AGBL4: variants seen among roughly 807,000 people sequenced by gnomAD.
AGBL4 encodes AGBL carboxypeptidase 4.
Under a neutral mutation model 66.4 loss-of-function variants are expected in AGBL4, and 58 were observed. That is an observed-to-expected ratio of 0.87 (90% confidence interval 0.71 to 1.09). The LOEUF (loss-of-function observed/expected upper bound fraction) is 1.09, where lower values mean the gene tolerates loss of function less well. Among genes scored for constraint, AGBL4 ranks in the 50% least tolerant of loss-of-function variants. The pLI, the probability that AGBL4 is intolerant of heterozygous loss-of-function variation, is 0.00. For missense variants in AGBL4, 579 were observed against 631.0 expected (o/e 0.92, Z 0.88); for synonymous variants, 234 against 222.9 (o/e 1.05, Z -0.44).
chr1:49,786,304 T>C (rs1344017042), intron 2 of AGBL4, among the ~76,000 whole-genome samples: 1 of 152,142 alleles, frequency 6.6e-6, no homozygotes, highest in Non-Finnish European at 1.5e-5. Context: ...TTATGAGCTA[T>C]CTATTGCTGC....
At chr1:48,575,229 T>G (rs1324928731) in intron 11 of AGBL4, among the ~76,000 whole-genome samples, 1 of 152,126 alleles carries the variant, frequency 6.6e-6, no homozygotes, top group Non-Finnish European at 1.5e-5. Context: ...CACTAGGAGA[T>G]ATCCCAAACT....
chr1:49,291,476 A>C (rs185137968), intron 3 of AGBL4, among the ~76,000 whole-genome samples: 2 of 152,362 alleles, frequency 1.3e-5, no homozygotes, highest in East Asian at 3.9e-4. Context: ...AATATTATAC[A>C]TCAGTGAGAA....
intron 3 of AGBL4, among the ~76,000 whole-genome samples, chr1:49,692,121 C>G (rs1251520047): frequency 6.6e-6 from 1 of 152,074 alleles, no homozygotes; most frequent in African/African-American, 2.4e-5. Context: ...TGGGTGGGGA[C>G]ACAGCCAAAC....
chr1:49,168,723 A>G (rs1447149831), intron 4 of AGBL4, among the ~76,000 whole-genome samples: 3 of 152,148 alleles, frequency 2.0e-5, no homozygotes, highest in African/African-American at 4.8e-5. Context: ...TACAATAACT[A>G]TGGTACCTGC....
rs1026598780 is a variant in AGBL4 at position 48,590,911 on chromosome 1, G to A, written c.1026C>T (p.Ile342=). 1 of 1,610,024 alleles carries A rather than the reference G, an allele frequency of 6.2e-7. No homozygotes were observed. Among genetic ancestry groups the A allele is most frequent in the Non-Finnish European group, 8.5e-7 (1 of 1,178,448 alleles). Residue 342 remains isoleucine (I), a synonymous_variant, in exon 10 of 14, where the codon ATC becomes ATT. Coordinates refer to ENST00000371839, the MANE Select transcript of AGBL4 (RefSeq NM_032785.4). ...TCTGGAACCGTTCCTCATCCTCAAA[G>A]ATGTTGCCATACATGAAGCCATTCA... ...TMMNGFMYGN[I]FEDEERFQRQ...
intron 11 of AGBL4, among the ~76,000 whole-genome samples, chr1:48,556,587 T>C (rs1474698218): frequency 6.6e-6 from 1 of 152,202 alleles, no homozygotes; most frequent in Non-Finnish European, 1.5e-5. Flanking sequence ...CCTGCCTCGT[T>C]GCCTCTAAAT....
At chr1:48,755,565 G>A (rs1160232788) in intron 6 of AGBL4, among the ~76,000 whole-genome samples, 1 of 152,174 alleles carries the variant, frequency 6.6e-6, no homozygotes. Flanking sequence ...CCTAACCCAG[G>A]ACATGTTTCT....
intron 3 of AGBL4, among the ~76,000 whole-genome samples, chr1:49,434,249 A>C (rs1003160944): frequency 4.6e-5 from 7 of 151,282 alleles, no homozygotes; most frequent in African/African-American, 1.5e-4. Context: ...ATTGATAAGA[A>C]ATCAATCCAG....
At chr1:48,709,236 T>C (rs1253905475) in intron 6 of AGBL4, among the ~76,000 whole-genome samples, 2 of 152,212 alleles carry the variant, frequency 1.3e-5, no homozygotes, top group Admixed American at 1.3e-4. Context: ...CCTATTCTTG[T>C]ACTAGGCTCT....
At chr1:49,776,755 T>C (rs1003714544) in intron 2 of AGBL4, among the ~76,000 whole-genome samples, 3 of 152,152 alleles carry the variant, frequency 2.0e-5, no homozygotes, top group African/African-American at 7.2e-5. Context: ...TTTTCATACA[T>C]AGCACTTTTA....
intron 1 of AGBL4, among the ~76,000 whole-genome samples, chr1:49,997,142 T>C (rs1416746574): frequency 2.6e-5 from 4 of 151,724 alleles, no homozygotes; most frequent in African/African-American, 9.7e-5. Context: ...TACAATAATA[T>C]AATGAAAAAA....
intron 1 of AGBL4, among the ~76,000 whole-genome samples, chr1:50,000,648 A>G (rs1394683350): frequency 2.6e-4 from 40 of 152,216 alleles, no homozygotes; most frequent in Admixed American, 2.6e-3. Context: ...ACAATTCACA[A>G]TTGTTAAAAT....
intron 4 of AGBL4, among the ~76,000 whole-genome samples, chr1:49,188,951 T>A (rs976317793): frequency 6.6e-6 from 1 of 152,174 alleles, no homozygotes; most frequent in Non-Finnish European, 1.5e-5. Flanking sequence ...CCAACTCTGA[T>A]CAACTGGCAG....
chr1:48,676,443 C>T (rs1646366753), intron 6 of AGBL4, among the ~76,000 whole-genome samples: 1 of 152,258 alleles, frequency 6.6e-6, no homozygotes, highest in African/African-American at 2.4e-5. Flanking sequence ...CTTCTCTGTG[C>T]TTCACTCTTC....
intron 3 of AGBL4, among the ~76,000 whole-genome samples, chr1:49,429,921 T>C (rs1645749163): frequency 6.6e-6 from 1 of 151,778 alleles, no homozygotes; most frequent in Non-Finnish European, 1.5e-5. Flanking sequence ...CAGGGCTTAC[T>C]ACAGCCTTAA....
At chr1:48,774,323 T>A (rs2148703465) in intron 6 of AGBL4, among the ~76,000 whole-genome samples, 1 of 152,208 alleles carries the variant, frequency 6.6e-6, no homozygotes, top group South Asian at 2.1e-4. Flanking sequence ...CAAGTTTAAG[T>A]CAGGAAGGGG....
chr1:49,973,508 G>C lies in AGBL4; in HGVS notation c.34+50255C>G, dbSNP rs113683037. Among the ~76,000 whole-genome samples, 388 of 151,382 alleles carry C rather than the reference G, an allele frequency of 2.6e-3. 4 individuals carry two copies. The highest frequency in any genetic ancestry group is 8.8e-3 in the African/African-American group (365 of 41,352). ...TGGGAAATACTGATTTAGAGTATAC[G>C]TGTAAGAGTATTAGAATGTTTTAAA... is the stretch of plus-strand genomic sequence containing the variant. On this transcript the variant is annotated intron_variant, in intron 1 of 13. Transcript: ENST00000371839.
chr1:48,863,327 G>T (rs998852875), intron 6 of AGBL4, among the ~76,000 whole-genome samples: 18 of 151,974 alleles, frequency 1.2e-4, no homozygotes, highest in Non-Finnish European at 7.4e-5. Flanking sequence ...ATATAAAAAT[G>T]TTTAAAAGGC....
chr1:48,934,940 G>A (rs1425023360), intron 5 of AGBL4, among the ~76,000 whole-genome samples: 2 of 152,102 alleles, frequency 1.3e-5, no homozygotes. Context: ...AACTCAATGA[G>A]CCCTGTACCT....
Sources: allele counts gnomAD v4.1 joint callset (sites outside exome capture counted in the v4.1 genomes callset), GRCh38; gene constraint gnomAD v4.1.1; transcripts MANE v1.5; gene names NCBI Gene and HGNC (gene_info 2026-07-23, HGNC 2026-07-21).